Variants in MMP26 observed in about 807,000 individuals in gnomAD.
MMP26 encodes the protein matrix metallopeptidase 26, also known as matrix metalloproteinase-26.
In MMP26, 33 loss-of-function variants were observed where a neutral mutation model predicts 31.0. The ratio of observed to expected loss-of-function variants is 1.06; its 90% CI spans 0.81 to 1.42. The LOEUF is 1.42. Ranked by LOEUF, MMP26 falls within the 40% of genes most tolerant of loss-of-function variation. The pLI is 0.00. For synonymous variants in MMP26, 122 were observed against 114.9 expected (o/e 1.06, Z -0.40); for missense variants, 347 against 316.1 (o/e 1.10, Z -0.74).
At chr11:4,961,995 GT>G (rs908977644) in intron 2 of MMP26, among the ~76,000 whole-genome samples, 4 of 152,050 alleles carry the variant, frequency 2.6e-5, no homozygotes, top group African/African-American at 9.7e-5. Context: ...AGCAACCCCT[GT>G]TTTTTTCTGC....
rs539262969 is a variant in MMP26 at position 4,803,030 on chromosome 11, A to G, written c.-145+35689A>G. ...TAAACATATTCTCAGATGAAGAAAT[A>G]TATGTACTTTTAAATTATTTGATGT... On this transcript the variant is annotated intron_variant, in intron 2 of 7. Transcript: ENST00000380390. Among the ~76,000 whole-genome samples, 13 of 152,342 alleles carry G rather than the reference A, an allele frequency of 8.5e-5. No individual in the cohort carries two copies. In the South Asian group the frequency reaches 2.5e-3, roughly 29 times the overall value.
chr11:4,740,714 C>T (rs1483091314), intron 1 of MMP26, among the ~76,000 whole-genome samples: 1 of 150,844 alleles, frequency 6.6e-6, no homozygotes, highest in East Asian at 1.9e-4. Flanking sequence ...TATATTTTGG[C>T]TTTGGACATC....
At chr11:4,980,251 G>A (rs1011433852) in intron 2 of MMP26, among the ~76,000 whole-genome samples, 11 of 151,966 alleles carry the variant, frequency 7.2e-5, no homozygotes, top group African/African-American at 2.4e-4. Context: ...TTTGGTTTCT[G>A]AGTATAAAGA....
At chr11:4,901,832 TA>T (rs1178783123) in intron 2 of MMP26, among the ~76,000 whole-genome samples, 5 of 152,232 alleles carry the variant, frequency 3.3e-5, no homozygotes, top group Non-Finnish European at 7.3e-5. Context: ...CTGATTAATA[TA>T]TTGTCATTGA....
intron 2 of MMP26, among the ~76,000 whole-genome samples, chr11:4,844,270 AC>A (rs1849837254): frequency 6.6e-6 from 1 of 152,198 alleles, no homozygotes; most frequent in Non-Finnish European, 1.5e-5. Flanking sequence ...GATCAAAGCC[AC>A]AATGAAAAGC....
chr11:4,987,781 TG>T (rs1444941777), intron 2 of MMP26, among the ~76,000 whole-genome samples: 5 of 152,222 alleles, frequency 3.3e-5, no homozygotes, highest in African/African-American at 1.2e-4. Context: ...TTATTTCCCT[TG>T]ATTTTATTCT....
In MMP26 at chr11:4,991,960, T is replaced by C; in HGVS notation, c.596-4T>C. The stretch of plus-strand genomic sequence containing the variant: ...TTATCTTTTTTTTTTCTATAATTTT[T>C]CAGGATATAATCTGTTCCTGGTTGC... On this transcript the variant is annotated splice_polypyrimidine_tract_variant and splice_region_variant and intron_variant, in intron 6 of 7. Coordinates refer to ENST00000380390, the MANE Select transcript of MMP26 (RefSeq NM_021801.5). The C allele has an allele frequency of 1.3e-6, 2 of 1,579,052 alleles. No individual in the cohort carries two copies. Among genetic ancestry groups the C allele is most frequent in the Non-Finnish European group, 1.7e-6 (2 of 1,170,382 alleles).
intron 2 of MMP26, chr11:4,821,420 C>T (rs748292483): frequency 6.2e-7 from 1 of 1,613,830 alleles, no homozygotes; most frequent in Non-Finnish European, 8.5e-7. Context: ...CAGTGCTTCC[C>T]TATGTCGGTC....
intron 2 of MMP26, among the ~76,000 whole-genome samples, chr11:4,854,622 T>A (rs538221334): frequency 1.1e-4 from 16 of 152,300 alleles, no homozygotes; most frequent in South Asian, 4.1e-4. Context: ...CCTCTGTAGA[T>A]TCCACCTCTG....
At chr11:4,846,086 A>G (rs528840460) in intron 2 of MMP26, among the ~76,000 whole-genome samples, 6 of 152,340 alleles carry the variant, frequency 3.9e-5, no homozygotes, top group Admixed American at 6.5e-5. Flanking sequence ...AGTATATTAA[A>G]GACGTATCTG....
At chr11:4,901,411 C>T (rs893886794) in intron 2 of MMP26, among the ~76,000 whole-genome samples, 22 of 151,974 alleles carry the variant, frequency 1.4e-4, no homozygotes, top group Non-Finnish European at 2.4e-4. Context: ...CCGCCTGCCT[C>T]GGCCTCCCAA....
intron 2 of MMP26, among the ~76,000 whole-genome samples, chr11:4,958,830 T>C (rs1168660395): frequency 1.3e-5 from 2 of 152,168 alleles, no homozygotes; most frequent in Non-Finnish European, 2.9e-5. Context: ...AAGTTGCTTA[T>C]CAGAGGGTTA....
intron 2 of MMP26, among the ~76,000 whole-genome samples, chr11:4,965,752 T>A (rs932294982): frequency 2.0e-5 from 3 of 152,168 alleles, no homozygotes; most frequent in Non-Finnish European, 4.4e-5. Context: ...TTAACAGGAA[T>A]CAAAGTAATT....
intron 1 of MMP26, among the ~76,000 whole-genome samples, chr11:4,763,504 C>T (rs1848593422): frequency 6.6e-6 from 1 of 152,042 alleles, no homozygotes; most frequent in South Asian, 2.1e-4. Context: ...ATAAAAGAAA[C>T]TAATTAATTT....
chr11:4,803,644 G>A, intron 2 of MMP26: 3 of 1,613,980 alleles, frequency 1.9e-6, no homozygotes, highest in Non-Finnish European at 2.5e-6. Flanking sequence ...ACAGATATGG[G>A]AGGAACGTGT....
intron 2 of MMP26, chr11:4,908,456 T>C: frequency 1.4e-6 from 1 of 727,670 alleles, no homozygotes; most frequent in Non-Finnish European, 2.4e-6. Context: ...AAGTTGAGAA[T>C]ATAACTGAAC....
chr11:4,929,013 C>A (rs1851310293), intron 2 of MMP26, among the ~76,000 whole-genome samples: 1 of 152,042 alleles, frequency 6.6e-6, no homozygotes, highest in South Asian at 2.1e-4. Flanking sequence ...TAGATACTTT[C>A]TTTAAAAAAA....
chr11:4,857,397 C>T (rs1426494754), intron 2 of MMP26, among the ~76,000 whole-genome samples: 2 of 151,840 alleles, frequency 1.3e-5, no homozygotes, highest in African/African-American at 2.4e-5. Context: ...GGGGATATCA[C>T]CACCAATCTC....
intron 1 of MMP26, among the ~76,000 whole-genome samples, chr11:4,705,329 A>G (rs1368311021): frequency 1.3e-5 from 2 of 152,238 alleles, no homozygotes; most frequent in African/African-American, 2.4e-5. Flanking sequence ...TGGAGTAAGA[A>G]CAGAGCTCAA....
Sources: gnomAD v4.1 joint callset for allele counts (sites outside exome capture counted in the v4.1 genomes callset) on GRCh38, gnomAD v4.1.1 for gene constraint, MANE v1.5 for transcripts, NCBI Gene and HGNC (gene_info 2026-07-23, HGNC 2026-07-21) for gene names.